Variants in PACRG observed in about 807,000 individuals in gnomAD.
PACRG encodes parkin coregulated, also known as parkin coregulated gene protein.
Under a neutral mutation model 29.7 loss-of-function variants are expected in PACRG, and 29 were observed. That is an observed-to-expected ratio of 0.98 (90% confidence interval 0.73 to 1.33). PACRG has a LOEUF of 1.33. Ranked by LOEUF, PACRG falls within the 40% of genes most tolerant of loss-of-function variation. The probability of loss-of-function intolerance (pLI) is 0.00; values close to 1 mark genes in which losing one functional copy is unlikely to be tolerated. For synonymous variants in PACRG, 116 were observed against 118.7 expected (o/e 0.98, Z 0.15); for missense variants, 279 against 316.2 (o/e 0.88, Z 0.89).
chr6:162,957,230 A>G (rs1470815524), intron 2 of PACRG: 3 of 429,084 alleles, frequency 7.0e-6, no homozygotes, highest in Non-Finnish European at 9.0e-6. Flanking sequence ...ACACTTTCAC[A>G]GCTTCAACAC....
intron 1 of PACRG, among the ~76,000 whole-genome samples, chr6:162,729,341 C>T (rs1055234096): frequency 2.0e-4 from 31 of 152,206 alleles, no homozygotes; most frequent in Non-Finnish European, 3.5e-4. Context: ...TGTTGTTTTC[C>T]AGTGTCACAT....
chr6:163,298,937 T>C (rs1340618973), intron 4 of PACRG, among the ~76,000 whole-genome samples: 1 of 152,234 alleles, frequency 6.6e-6, no homozygotes, highest in Admixed American at 6.5e-5. Flanking sequence ...TTCTGGATCA[T>C]CGTGCCTGTA....
chr6:163,227,317 C>T (rs780090182), intron 4 of PACRG, among the ~76,000 whole-genome samples: 1 of 152,072 alleles, frequency 6.6e-6, no homozygotes, highest in Non-Finnish European at 1.5e-5. Context: ...ACAACCAGAC[C>T]TCACCAGTAC....
At position 163,030,941 on chromosome 6, in the gene PACRG, A is replaced by G. The variant is rs536288530; in HGVS notation, c.292-31209A>G. 3.3e-5 allele frequency among the ~76,000 whole-genome samples: 5 copies of G among 152,236 alleles called. No individual in the cohort carries two copies. The East Asian group carries it at 9.7e-4, about 29-fold the overall frequency. On this transcript the variant is annotated intron_variant, in intron 2 of 4. Coordinates refer to ENST00000366888, the MANE Select transcript of PACRG (RefSeq NM_001080379.2). ...GACTTGTATCTTGTGCTGACCTCCT[A>G]TCTCATCCTGTGACTTAGAATGCCT...
intron 2 of PACRG, among the ~76,000 whole-genome samples, chr6:162,913,850 T>A (rs935503201): frequency 2.6e-5 from 4 of 152,214 alleles, no homozygotes; most frequent in Non-Finnish European, 5.9e-5. Context: ...CTTCTTTTTA[T>A]GTACTTTTTA....
intron 3 of PACRG, among the ~76,000 whole-genome samples, chr6:163,063,165 A>G (rs939020427): frequency 2.0e-5 from 3 of 152,084 alleles, no homozygotes; most frequent in Non-Finnish European, 4.4e-5. Flanking sequence ...TGCTACTGCT[A>G]CTACTAATTA....
chr6:163,263,249 A>G (rs981287908), intron 4 of PACRG, among the ~76,000 whole-genome samples: 1 of 151,590 alleles, frequency 6.6e-6, no homozygotes, highest in Non-Finnish European at 1.5e-5. Flanking sequence ...AGAGCCCAGA[A>G]AGAATTCTGC....
chr6:163,202,932 G>A (rs1054177610), intron 4 of PACRG, among the ~76,000 whole-genome samples: 3 of 152,126 alleles, frequency 2.0e-5, no homozygotes, highest in African/African-American at 7.2e-5. Flanking sequence ...CTGATTGATA[G>A]ACTGTGGAGT....
At chr6:162,832,917 A>C (rs573561726) in intron 2 of PACRG, among the ~76,000 whole-genome samples, 66 of 151,878 alleles carry the variant, frequency 4.3e-4, no homozygotes, top group Middle Eastern at 3.4e-3. Flanking sequence ...AATGATTTGC[A>C]ATTTGAATAA....
At chr6:162,956,174 T>C (rs1054810708) in intron 2 of PACRG, among the ~76,000 whole-genome samples, 1 of 152,096 alleles carries the variant, frequency 6.6e-6, no homozygotes, top group Non-Finnish European at 1.5e-5. Flanking sequence ...TATTTACTGG[T>C]GCAAAACTGA....
At chr6:163,224,444 G>T (rs1185608557) in intron 4 of PACRG, among the ~76,000 whole-genome samples, 1 of 140,474 alleles carries the variant, frequency 7.1e-6, no homozygotes, top group South Asian at 2.4e-4. Context: ...ACACTACAAA[G>T]ATATAATAAT....
intron 4 of PACRG, among the ~76,000 whole-genome samples, chr6:163,262,871 C>CT (rs948582157): frequency 2.0e-5 from 3 of 148,290 alleles, no homozygotes; most frequent in Admixed American, 6.8e-5. Context: ...GTGAGACCCC[C>CT]CCCCCCATGT....
At chr6:162,772,785 A>G (rs1783320965) in intron 1 of PACRG, among the ~76,000 whole-genome samples, 2 of 152,230 alleles carry the variant, frequency 1.3e-5, no homozygotes, top group African/African-American at 2.4e-5. Context: ...TATAAATTCC[A>G]AAAGAGGTGG....
chr6:162,765,426 C>T (rs1782706548), intron 1 of PACRG, among the ~76,000 whole-genome samples: 1 of 152,158 alleles, frequency 6.6e-6, no homozygotes, highest in South Asian at 2.1e-4. Flanking sequence ...GTCCATAAAA[C>T]TGTGGGAGCC....
At position 162,814,128 on chromosome 6, in the gene PACRG, T is replaced by C; in HGVS notation, c.157-19T>C. The C allele has an allele frequency of 6.4e-7, 1 of 1,551,942 alleles. No individual in the cohort carries two copies. Among genetic ancestry groups the C allele is most frequent in the Non-Finnish European group, 8.7e-7 (1 of 1,144,134 alleles). On this transcript the variant is annotated intron_variant, in intron 1 of 4. Transcript: ENST00000366888. Reference sequence around the variant, plus strand: ...GTATGTCTTAAAACCTGATCCCTATTTTTTTTTTTCCAATTAAGGTGAGAG... The same window carrying C: ...GTATGTCTTAAAACCTGATCCCTATCTTTTTTTTTCCAATTAAGGTGAGAG...
chr6:163,240,287 A>G (rs1782449420), intron 4 of PACRG, among the ~76,000 whole-genome samples: 1 of 152,084 alleles, frequency 6.6e-6, no homozygotes, highest in Non-Finnish European at 1.5e-5. Flanking sequence ...GGGTGCATTA[A>G]GAAAGAAACC....
chr6:162,898,262 G>GA (rs1795310504), intron 2 of PACRG, among the ~76,000 whole-genome samples: 2 of 152,182 alleles, frequency 1.3e-5, no homozygotes, highest in South Asian at 4.1e-4. Context: ...TGCTGAGTGG[G>GA]TTGCTGTAGT....
At chr6:162,878,629 G>A (rs1296068500) in intron 2 of PACRG, among the ~76,000 whole-genome samples, 1 of 152,134 alleles carries the variant, frequency 6.6e-6, no homozygotes, top group African/African-American at 2.4e-5. Flanking sequence ...ACAACAGATG[G>A]TTACCCATGT....
intron 4 of PACRG, among the ~76,000 whole-genome samples, chr6:163,296,188 ATAGTAGAAC>A (rs375467198): frequency 3.7e-4 from 56 of 152,332 alleles, no homozygotes; most frequent in African/African-American, 1.3e-3. Flanking sequence ...TTGGGGTAGA[ATAGTAGAAC>A]TAATTAAAAA....
Sources: allele counts gnomAD v4.1 joint callset (sites outside exome capture counted in the v4.1 genomes callset), GRCh38; gene constraint gnomAD v4.1.1; transcripts MANE v1.5; gene names NCBI Gene and HGNC (gene_info 2026-07-23, HGNC 2026-07-21).